The following THSD7B variants were observed in gnomAD, a reference collection of about 807,000 sequenced individuals.
THSD7B encodes thrombospondin type-1 domain-containing protein 7B.
A neutral mutation model predicts 213.6 loss-of-function variants in THSD7B; 138 were observed. The observed-to-expected ratio is 0.65, with a 90% CI of 0.56 to 0.74. THSD7B has a LOEUF of 0.74. Among genes scored for constraint, THSD7B ranks in the 30% least tolerant of loss-of-function variants. THSD7B has a pLI of 0.00. For synonymous variants in THSD7B, 742 were observed against 687.0 expected, an observed-to-expected ratio of 1.08 and a Z score of -1.25; for missense variants, 1,931 against 1,991.5, an observed-to-expected ratio of 0.97 and a Z score of 0.58.
chr2:137,282,974 G>T (rs1338177476), intron 12 of THSD7B, among the ~76,000 whole-genome samples: 2 of 152,078 alleles, frequency 1.3e-5, no homozygotes, highest in African/African-American at 4.8e-5. Context: ...GGATGGCATT[G>T]AATCTATAAA....
At chr2:137,436,160 ATAAT>A (rs1687286483) in intron 14 of THSD7B, among the ~76,000 whole-genome samples, 1 of 151,880 alleles carries the variant, frequency 6.6e-6, no homozygotes, top group African/African-American at 2.4e-5. Context: ...ATAAATATAT[ATAAT>A]TATTTAGCTT....
intron 2 of THSD7B, among the ~76,000 whole-genome samples, chr2:136,973,708 AG>A (rs1685438517): frequency 6.6e-6 from 1 of 152,206 alleles, no homozygotes; most frequent in Admixed American, 6.5e-5. Context: ...CTATTTTGCT[AG>A]TACATTCTTG....
chr2:137,312,413 C>T (rs1451963237), intron 12 of THSD7B, among the ~76,000 whole-genome samples: 1 of 144,218 alleles, frequency 6.9e-6, no homozygotes, highest in African/African-American at 2.6e-5. Context: ...CTTTATTCGT[C>T]TTGCTAGTGG....
intron 12 of THSD7B, among the ~76,000 whole-genome samples, chr2:137,307,902 A>G (rs1683795199): frequency 6.6e-6 from 1 of 152,006 alleles, no homozygotes; most frequent in Admixed American, 6.6e-5. Context: ...CTTATAATAC[A>G]AGGAGTCTTA....
chr2:137,204,772 A>T (rs989275162), intron 7 of THSD7B, among the ~76,000 whole-genome samples: 5 of 151,876 alleles, frequency 3.3e-5, no homozygotes, highest in African/African-American at 1.2e-4. Context: ...ACTGAAAAGT[A>T]TGATTTGCAG....
chr2:137,629,651 G>T (rs1420116822), intron 20 of THSD7B, among the ~76,000 whole-genome samples: 2 of 152,184 alleles, frequency 1.3e-5, no homozygotes, highest in African/African-American at 4.8e-5. Flanking sequence ...AAAAGTCCTT[G>T]TGTGAACCAA....
chr2:137,120,042 AC>A (rs1213260308), intron 5 of THSD7B, among the ~76,000 whole-genome samples: 1 of 152,102 alleles, frequency 6.6e-6, no homozygotes, highest in African/African-American at 2.4e-5. Context: ...CTTGATGTCA[AC>A]CCTTAGAGGA....
At chr2:137,106,895 A>G (rs967830598) in intron 4 of THSD7B, among the ~76,000 whole-genome samples, 2 of 152,154 alleles carry the variant, frequency 1.3e-5, no homozygotes, top group Non-Finnish European at 2.9e-5. Flanking sequence ...GAAACAACAG[A>G]TGCTGGAGAG....
chr2:137,448,830 C>CAAA (rs1361288770), intron 14 of THSD7B, among the ~76,000 whole-genome samples: 2 of 151,088 alleles, frequency 1.3e-5, no homozygotes, highest in South Asian at 4.2e-4. Flanking sequence ...ACAACAACAA[C>CAAA]AACAACAAAA....
chr2:137,519,124 C>T (rs1032844283), intron 15 of THSD7B, among the ~76,000 whole-genome samples: 1 of 151,950 alleles, frequency 6.6e-6, no homozygotes, highest in East Asian at 1.9e-4. Flanking sequence ...TGGTGGCGTG[C>T]GCCTATAGTC....
intron 2 of THSD7B, among the ~76,000 whole-genome samples, chr2:136,962,403 C>CT (rs71400559): frequency 0.087 from 8,716 of 99,858 alleles, 854 homozygotes; most frequent in African/African-American, 0.2. Context: ...AATCTGTTAT[C>CT]TTTTTTTTTT....
intron 12 of THSD7B, among the ~76,000 whole-genome samples, chr2:137,392,192 T>C (rs945312492): frequency 7.2e-5 from 11 of 152,230 alleles, no homozygotes; most frequent in African/African-American, 2.2e-4. Context: ...GAATGTTCCA[T>C]GTGCTGGTAA....
At chr2:136,766,040 C>T (rs1681383685) in intron 1 of THSD7B, among the ~76,000 whole-genome samples, 1 of 152,190 alleles carries the variant, frequency 6.6e-6, no homozygotes, top group African/African-American at 2.4e-5. Flanking sequence ...CCCTTCACCT[C>T]CAGCTTGGTT....
intron 1 of THSD7B, among the ~76,000 whole-genome samples, chr2:136,873,022 A>T (rs13010865): frequency 0.018 from 108 of 6,140 alleles, no homozygotes; most frequent in Middle Eastern, 0.036. Flanking sequence ...GACTCCATCT[A>T]AAAAAAAAAA....
intron 15 of THSD7B, among the ~76,000 whole-genome samples, chr2:137,559,544 A>T (rs1449327283): frequency 2.0e-5 from 3 of 152,200 alleles, no homozygotes; most frequent in Non-Finnish European, 4.4e-5. Context: ...CCTTCCTTAC[A>T]CAGTATACAA....
At chr2:136,989,890 A>T (rs1685737129) in intron 2 of THSD7B, among the ~76,000 whole-genome samples, 2 of 152,216 alleles carry the variant, frequency 1.3e-5, no homozygotes, top group Admixed American at 6.5e-5. Flanking sequence ...GGTGATAATG[A>T]TAGTGGCTAG....
At chr2:136,853,912 C>A (rs553879965) in intron 1 of THSD7B, among the ~76,000 whole-genome samples, 1 of 152,248 alleles carries the variant, frequency 6.6e-6, no homozygotes, top group South Asian at 2.1e-4. Flanking sequence ...GATGCCTAAA[C>A]TGTCCTAGAT....
At chr2:137,506,329 T>C (rs1368486643) in intron 15 of THSD7B, among the ~76,000 whole-genome samples, 1 of 152,134 alleles carries the variant, frequency 6.6e-6, no homozygotes, top group Non-Finnish European at 1.5e-5. Flanking sequence ...ACAAGGGGGA[T>C]TTTCTTTAGA....
intron 14 of THSD7B, among the ~76,000 whole-genome samples, chr2:137,430,839 C>T (rs896427658): frequency 2.0e-4 from 31 of 152,006 alleles, no homozygotes; most frequent in Non-Finnish European, 4.3e-4. Context: ...AAGACACTGA[C>T]CAGAGGTGCG....
Sources: allele counts gnomAD v4.1 joint callset (sites outside exome capture counted in the v4.1 genomes callset), GRCh38; gene constraint gnomAD v4.1.1; transcripts MANE v1.5; gene names NCBI Gene and HGNC (gene_info 2026-07-23, HGNC 2026-07-21).